PACRG: variants seen among roughly 807,000 people sequenced by gnomAD.
The protein encoded by PACRG is parkin coregulated, also known as parkin coregulated gene protein.
In PACRG, 29 loss-of-function variants were observed where a neutral mutation model predicts 29.7. The ratio of observed to expected loss-of-function variants is 0.98; its 90% confidence interval spans 0.73 to 1.33. PACRG has a LOEUF of 1.33. PACRG is among the 40% of genes most tolerant of loss of function. The pLI, the probability that PACRG is intolerant of heterozygous loss-of-function variation, is 0.00. For missense variants in PACRG, 279 were observed against 316.2 expected, an observed-to-expected ratio of 0.88 and a Z score of 0.89; for synonymous variants, 116 against 118.7, an observed-to-expected ratio of 0.98 and a Z score of 0.15.
intron 2 of PACRG, among the ~76,000 whole-genome samples, chr6:163,029,242 G>T (rs1031668801): frequency 2.0e-5 from 3 of 152,222 alleles, no homozygotes; most frequent in African/African-American, 4.8e-5. Context: ...AACCAATGCA[G>T]CTCTGCTACC....
intron 2 of PACRG, among the ~76,000 whole-genome samples, chr6:162,859,305 A>G (rs1323815678): frequency 6.6e-6 from 1 of 152,182 alleles, no homozygotes; most frequent in Non-Finnish European, 1.5e-5. Context: ...TCAATCTTCA[A>G]TTTCTTTTAA....
At chr6:163,038,610 G>A (rs1808416044) in intron 2 of PACRG, among the ~76,000 whole-genome samples, 1 of 152,046 alleles carries the variant, frequency 6.6e-6, no homozygotes, top group African/African-American at 2.4e-5. Context: ...AATATGAGGT[G>A]GCCTCTGTCT....
At chr6:163,283,652 T>A in intron 4 of PACRG, among the ~76,000 whole-genome samples, 1 of 147,850 alleles carries the variant, frequency 6.8e-6, no homozygotes, top group East Asian at 2.0e-4. Flanking sequence ...TACAAAAAAA[T>A]TAGCCGGGCG....
At chr6:163,030,639 G>T (rs573471337) in intron 2 of PACRG, among the ~76,000 whole-genome samples, 1 of 152,282 alleles carries the variant, frequency 6.6e-6, no homozygotes, top group East Asian at 1.9e-4. Flanking sequence ...TAAAAGAATG[G>T]CTACTCCATA....
intron 1 of PACRG, among the ~76,000 whole-genome samples, chr6:162,813,362 C>T (rs1287256029): frequency 6.6e-6 from 1 of 151,918 alleles, no homozygotes; most frequent in Admixed American, 6.6e-5. Flanking sequence ...CAGAATAGTA[C>T]ATTTATTTTC....
intron 4 of PACRG, among the ~76,000 whole-genome samples, chr6:163,119,532 T>C (rs555271963): frequency 6.6e-6 from 1 of 152,288 alleles, no homozygotes; most frequent in South Asian, 2.1e-4. Context: ...TCAGAACAGC[T>C]CAACGTCATG....
At chr6:162,750,504 C>T (rs1731049656) in intron 1 of PACRG, among the ~76,000 whole-genome samples, 2 of 152,164 alleles carry the variant, frequency 1.3e-5, no homozygotes, top group African/African-American at 4.8e-5. Flanking sequence ...ATGATAAAAT[C>T]TTATTTTGGA....
intron 2 of PACRG, among the ~76,000 whole-genome samples, chr6:162,985,248 T>A (rs1294228932): frequency 2.0e-5 from 3 of 151,710 alleles, no homozygotes; most frequent in Non-Finnish European, 4.4e-5. Context: ...GAAGGACATT[T>A]AAAAAAACGA....
chr6:162,784,936 AC>A (rs1784347346), intron 1 of PACRG, among the ~76,000 whole-genome samples: 1 of 152,190 alleles, frequency 6.6e-6, no homozygotes. Context: ...CAAAATCCTT[AC>A]AGGTTTGGAA....
chr6:162,728,274 C>G lies in PACRG; in HGVS notation c.39C>G (p.Cys13Trp). Residue 13 changes from cysteine to tryptophan, a missense_variant, in exon 1 of 5, where the codon TGC (cysteine) becomes TGG (tryptophan). By Grantham distance (215) the Cys-to-Trp change is radical. Coordinates refer to ENST00000366888, the MANE Select transcript of PACRG (RefSeq NM_001080379.2). ...AEKETLSLNK[C>W]PDKMPKRTKL... is the part of the protein sequence containing the mutation. ...AAGAGACCCTGAGCTTAAACAAATG[C>G]CCAGACAAGATGCCGAAGAGGACCA... The G allele has an allele frequency of 6.2e-7, 1 of 1,613,906 alleles. No individual in the cohort carries two copies. Among genetic ancestry groups the G allele is most frequent in the Non-Finnish European group, 8.5e-7 (1 of 1,180,016 alleles).
rs549057786 is a variant in PACRG at position 162,833,683 on chromosome 6, C to T, written c.291+19402C>T. 2.4e-4 allele frequency among the ~76,000 whole-genome samples: 37 copies of T among 151,722 alleles called. 1 individual carries two copies. In the South Asian group the frequency reaches 5.0e-3, roughly 21 times the overall value. ...TCTTTTGAGAATTGTTTGTTCATGTCTTTTGCCCACTTTTTAATGGGACTG... is the reference window on the plus strand; with the variant it reads ...TCTTTTGAGAATTGTTTGTTCATGTTTTTTGCCCACTTTTTAATGGGACTG... On this transcript the variant is annotated intron_variant, in intron 2 of 4. Transcript: ENST00000366888.
At chr6:162,882,398 G>A (rs1409495140) in intron 2 of PACRG, among the ~76,000 whole-genome samples, 2 of 151,996 alleles carry the variant, frequency 1.3e-5, no homozygotes, top group Non-Finnish European at 2.9e-5. Flanking sequence ...ACCAAGATCA[G>A]TGACCCAAGG....
At chr6:162,729,922 T>C (rs962923908) in intron 1 of PACRG, among the ~76,000 whole-genome samples, 2 of 152,130 alleles carry the variant, frequency 1.3e-5, no homozygotes, top group Non-Finnish European at 2.9e-5. Flanking sequence ...AACAACTTAA[T>C]TGAGATCCAT....
rs1341529008 is a variant in PACRG, at chr6:163,071,359, T to C, written c.463+9038T>C. ...TATCAAGCATCTTCTTGAACTACAA[T>C]GGACTAAAACTAGAAATCAATAAGA... is the stretch of plus-strand genomic sequence containing the variant. On this transcript the variant is annotated intron_variant, in intron 3 of 4. Transcript: ENST00000366888. Among the ~76,000 whole-genome samples the C allele has an allele frequency of 3.3e-5, 5 of 152,096 alleles. No individual in the cohort carries two copies. In the East Asian group the frequency reaches 7.7e-4, roughly 23 times the overall value.
At chr6:162,924,577 T>G (rs543113146) in intron 2 of PACRG, among the ~76,000 whole-genome samples, 131 of 152,258 alleles carry the variant, frequency 8.6e-4, no homozygotes, top group Non-Finnish European at 1.6e-3. Flanking sequence ...CCCCATTTGT[T>G]GAGAGTTTTT....
intron 4 of PACRG, among the ~76,000 whole-genome samples, chr6:163,128,087 A>AT (rs2128327814): frequency 6.6e-6 from 1 of 152,340 alleles, no homozygotes; most frequent in East Asian, 1.9e-4. Flanking sequence ...AAATACCAAA[A>AT]TTGGTGAGAT....
chr6:163,299,188 A>T (rs1172195960), intron 4 of PACRG, among the ~76,000 whole-genome samples: 1 of 152,222 alleles, frequency 6.6e-6, no homozygotes, highest in African/African-American at 2.4e-5. Flanking sequence ...ATCTGAGTTC[A>T]TATTAGAAGC....
chr6:162,953,908 T>C (rs1348639487), intron 2 of PACRG, among the ~76,000 whole-genome samples: 1 of 152,228 alleles, frequency 6.6e-6, no homozygotes, highest in East Asian at 1.9e-4. Context: ...AACTTATCAA[T>C]ACTGCCTTTT....
chr6:162,947,611 C>CATATATATAT (rs1170513962), intron 2 of PACRG, among the ~76,000 whole-genome samples: 1 of 27,978 alleles, frequency 3.6e-5, no homozygotes, highest in African/African-American at 1.1e-4. Flanking sequence ...TATATATAAT[C>CATATATATAT]ATATATATAT....
Sources: gnomAD v4.1 joint callset for allele counts (sites outside exome capture counted in the v4.1 genomes callset) on GRCh38, gnomAD v4.1.1 for gene constraint, MANE v1.5 for transcripts, NCBI Gene and HGNC (gene_info 2026-07-23, HGNC 2026-07-21) for gene names.